Variants in PTBP3 observed in about 807,000 individuals in gnomAD.
PTBP3 encodes polypyrimidine tract-binding protein 3.
Under a neutral mutation model 58.7 loss-of-function variants are expected in PTBP3, and 20 were observed. The ratio of observed to expected loss-of-function variants is 0.34; its 90% CI spans 0.24 to 0.50. The LOEUF (loss-of-function observed/expected upper bound fraction) is 0.50. PTBP3 is among the 20% of genes least tolerant of loss of function. PTBP3 has a pLI of 0.98. For missense variants in PTBP3, 509 were observed against 637.2 expected (o/e 0.80, Z 2.17); for synonymous variants, 185 against 219.8 (o/e 0.84, Z 1.40).
At chr9:112,246,102 C>T (rs963109774) in intron 7 of PTBP3, among the ~76,000 whole-genome samples, 3 of 151,838 alleles carry the variant, frequency 2.0e-5, no homozygotes, top group Admixed American at 1.3e-4. Flanking sequence ...CCTGCCTCAG[C>T]CCCCCTAGTA....
chr9:112,302,708 C>A (rs1177080076), intron 1 of PTBP3, among the ~76,000 whole-genome samples: 1 of 150,080 alleles, frequency 6.7e-6, no homozygotes, highest in Non-Finnish European at 1.5e-5. Flanking sequence ...CGTGTCTCAG[C>A]CTCCTGAGCA....
At chr9:112,344,597 T>C in the PTBP3 span, among the ~76,000 whole-genome samples, 1 of 152,204 alleles carries the variant, frequency 6.6e-6, no homozygotes, top group Non-Finnish European at 1.5e-5. Context: ...GTCTCAGGTA[T>C]TCAGTTATAG....
chr9:112,269,834 G>A (rs1377819018), intron 3 of PTBP3, among the ~76,000 whole-genome samples: 1 of 152,072 alleles, frequency 6.6e-6, no homozygotes, highest in Non-Finnish European at 1.5e-5. Context: ...CTACTCACAT[G>A]ATGGTGCACA....
the PTBP3 span, among the ~76,000 whole-genome samples, chr9:112,357,070 C>T: frequency 4.0e-5 from 6 of 151,644 alleles, no homozygotes; most frequent in South Asian, 6.3e-4. Flanking sequence ...TTAGTAGAGA[C>T]GGGGTTTCAC....
the PTBP3 span, chr9:112,379,861 T>C: frequency 4.4e-5 from 23 of 521,886 alleles, no homozygotes; most frequent in South Asian, 5.3e-4. Flanking sequence ...GACAGGAGCC[T>C]GATTGTCACC....
the PTBP3 span, among the ~76,000 whole-genome samples, chr9:112,366,240 C>CA: frequency 2.6e-5 from 4 of 151,796 alleles, no homozygotes; most frequent in South Asian, 2.1e-4. Flanking sequence ...CCAAGACACA[C>CA]CATTGCACTC....
At chr9:112,348,527 T>C in the PTBP3 span, among the ~76,000 whole-genome samples, 1 of 152,166 alleles carries the variant, frequency 6.6e-6, no homozygotes, top group Non-Finnish European at 1.5e-5. Flanking sequence ...ATGTGGCCCC[T>C]CCCAAGTGTT....
At chr9:112,288,504 G>T (rs186106114) in intron 2 of PTBP3, among the ~76,000 whole-genome samples, 1 of 152,182 alleles carries the variant, frequency 6.6e-6, no homozygotes, top group East Asian at 1.9e-4. Context: ...TGCCATGTCT[G>T]CTTGGTTCCC....
At chr9:112,232,680 C>T (rs1835291672) in intron 8 of PTBP3, among the ~76,000 whole-genome samples, 1 of 152,090 alleles carries the variant, frequency 6.6e-6, no homozygotes, top group Admixed American at 6.5e-5. Context: ...CTAGGTAGTG[C>T]TATATGACAT....
intron 7 of PTBP3, among the ~76,000 whole-genome samples, chr9:112,248,350 G>A (rs1835967873): frequency 6.6e-6 from 1 of 152,044 alleles, no homozygotes; most frequent in African/African-American, 2.4e-5. Flanking sequence ...AGAAAAAAAG[G>A]AGAAATAAAA....
At chr9:112,348,934 T>C in the PTBP3 span, among the ~76,000 whole-genome samples, 2 of 152,240 alleles carry the variant, frequency 1.3e-5, no homozygotes, top group East Asian at 3.8e-4. Flanking sequence ...TTTCCCTTAT[T>C]TTCTTCCAAA....
chr9:112,251,453 ACT>A (rs1482718470), intron 6 of PTBP3, among the ~76,000 whole-genome samples: 1 of 152,088 alleles, frequency 6.6e-6, no homozygotes, highest in Non-Finnish European at 1.5e-5. Flanking sequence ...GTTTTAAGAT[ACT>A]CTGATTTTAC....
rs1834708129 is a variant in PTBP3, at chr9:112,218,815, T to C, written c.*5036A>G. The C allele has an allele frequency of 6.6e-6, 1 of 152,638 alleles. No homozygotes were observed. The highest frequency in any genetic ancestry group is 2.4e-5 in the African/African-American group (1 of 41,462). 9.5% of individuals were successfully genotyped at this position (152,638 alleles called of 1,614,324 possible). A position where few individuals can be genotyped will look rare whatever the true frequency, so the allele number is the denominator to read the frequency against. On this transcript the variant is annotated 3_prime_UTR_variant, in exon 14 of 14. Coordinates refer to ENST00000374257, the MANE Select transcript of PTBP3 (RefSeq NM_001163788.4). ...TTCCCAAAAACCTTTTTTTCTTTTT[T>C]GGCCTTGTTAAAAAAAATGTTGTTA...
rs1234566315 is a variant in PTBP3 at position 112,231,832 on chromosome 9, C to T, written c.1020+267G>A. 5.9e-5 allele frequency among the ~76,000 whole-genome samples: 9 copies of T among 151,330 alleles called. No homozygotes were observed. In the East Asian group the frequency reaches 1.7e-3, roughly 29 times the overall value. On this transcript the variant is annotated intron_variant, in intron 9 of 13. Coordinates refer to ENST00000374257, the MANE Select transcript of PTBP3 (RefSeq NM_001163788.4). ...CTGAGGTGGGAGGATCACTTGAGCC[C>T]AGGAAGCAGAGGTCACAGTGAGTGA...
chr9:112,231,966 A>AGAGAAGAGAG (rs1835232724), intron 9 of PTBP3, 133 bp downstream of exon 9: 27 of 181,510 alleles, frequency 1.5e-4, no homozygotes, highest in Non-Finnish European at 2.4e-4. Context: ...AGAGAAGAGA[A>AGAGAAGAGAG]GAGAGAAGAG....
chr9:112,239,945 G>A (rs1290188589), intron 7 of PTBP3, among the ~76,000 whole-genome samples: 2 of 151,308 alleles, frequency 1.3e-5, no homozygotes, highest in Non-Finnish European at 2.9e-5. Context: ...AAAGAAGGCA[G>A]ATGAGAAAAA....
At chr9:112,324,562 A>G (rs1272456906) in intron 1 of PTBP3, among the ~76,000 whole-genome samples, 1 of 152,042 alleles carries the variant, frequency 6.6e-6, no homozygotes, top group Admixed American at 6.5e-5. Flanking sequence ...AGGCACGAGA[A>G]TCGCTTGAAC....
intron 1 of PTBP3, among the ~76,000 whole-genome samples, chr9:112,325,478 C>A (rs1352656423): frequency 6.6e-6 from 1 of 152,006 alleles, no homozygotes; most frequent in Admixed American, 6.6e-5. Context: ...CCACTCTCCT[C>A]ACCCTTCAAT....
the PTBP3 span, among the ~76,000 whole-genome samples, chr9:112,376,258 T>TG: frequency 7.3e-6 from 1 of 137,046 alleles, no homozygotes; most frequent in African/African-American, 2.7e-5. Context: ...TTAAGTTTTT[T>TG]TTTTTTTTTT....
Sources: allele counts gnomAD v4.1 joint callset (sites outside exome capture counted in the v4.1 genomes callset), GRCh38; gene constraint gnomAD v4.1.1; transcripts MANE v1.5; gene names NCBI Gene and HGNC (gene_info 2026-07-23, HGNC 2026-07-21).